Variants in ALPK3 observed in about 807,000 individuals in gnomAD.
ALPK3 encodes the protein alpha kinase 3, also known as alpha-protein kinase 3.
ALPK3 carries 102 observed loss-of-function variants against 140.0 expected under a neutral mutation model. The observed-to-expected ratio is 0.73, with a 90% confidence interval of 0.62 to 0.86. The LOEUF (loss-of-function observed/expected upper bound fraction) is 0.86. ALPK3 is among the 40% of genes least tolerant of loss of function. ALPK3 has a pLI of 0.00. For synonymous variants in ALPK3, 938 were observed against 898.5 expected, an observed-to-expected ratio of 1.04 and a Z score of -0.79; for missense variants, 2,254 against 2,208.2, an observed-to-expected ratio of 1.02 and a Z score of -0.42.
At position 84,867,376 on chromosome 15, in the gene ALPK3, C is replaced by T; in HGVS notation, c.4772+11C>T. 2.5e-6 allele frequency: 4 copies of T among 1,613,828 alleles called. No homozygotes were observed. Among genetic ancestry groups the T allele is most frequent in the Non-Finnish European group, 3.4e-6 (4 of 1,179,826 alleles). ...TACCAAACTCCGAGGGTGAGTGGTT[C>T]TTGGGGACAGAATGCCCTCTGGGCG... On this transcript the variant is annotated intron_variant, in intron 13 of 13. Transcript: ENST00000258888.
At position 84,857,568 on chromosome 15, in the gene ALPK3, G is replaced by C. The variant is rs1596155568; in HGVS notation, c.2830G>C (p.Gly944Arg). 3.2e-6 allele frequency: 5 copies of C among 1,576,524 alleles called. No homozygotes were observed. In the East Asian group the frequency reaches 6.7e-5, roughly 21 times the overall value. ...CTGCGCCCAGGTACCAGATGTGGAG[G>C]GGCGGACCCCAGGTCCCCGGAGCTG... ...GACAQVPDVE[G>R]RTPGPRSCDP... Residue 944 changes from glycine (G) to arginine (R), a missense_variant, in exon 6 of 14, where the codon GGG becomes CGG. This residue lies in a region of ALPK3 where 2,088 missense variants were observed against 2,022.9 expected (regional missense o/e 1.03). Coordinates refer to ENST00000258888, the MANE Select transcript of ALPK3 (RefSeq NM_020778.5).
rs150359288 is a variant in ALPK3 at position 84,835,847 on chromosome 15, T to G, written c.305-3133T>G. Among the ~76,000 whole-genome samples the G allele has an allele frequency of 3.6e-3, 550 of 152,312 alleles. 15 individuals carry two copies. The highest frequency in any genetic ancestry group is 0.034 in the Admixed American group (513 of 15,306). ...CTAAGCACTTAGTGCATTGCTTCATTTATTCATCTATAAATATTTGATGAG... is the reference window on the plus strand; with the variant it reads ...CTAAGCACTTAGTGCATTGCTTCATGTATTCATCTATAAATATTTGATGAG... On this transcript the variant is annotated intron_variant, in intron 3 of 13. Transcript: ENST00000258888.
chr15:84,840,009 G>T lies in ALPK3; in HGVS notation c.730G>T (p.Gly244Cys). Residue 244 changes from glycine to cysteine, a missense_variant, in exon 5 of 14, where the codon GGT (glycine) becomes TGT (cysteine). Gly to Cys is a radical substitution (Grantham distance 159). Transcript: ENST00000258888. ...CTCGGTCCCTACCAGGGAGCCTGAG[G>T]GTGGGACCCTGGCGGCTTGGCAGGA... ...GPSVPTREPE[G>C]GTLAAWQEGE... is the part of the protein sequence containing the mutation. The T allele has an allele frequency of 6.2e-7, 1 of 1,613,810 alleles. No individual in the cohort carries two copies. The highest frequency in any genetic ancestry group is 8.5e-7 in the Non-Finnish European group (1 of 1,179,860).
rs55944419 is a variant in ALPK3, at chr15:84,847,208, GGAGAGA to G, written c.1653+6312_1653+6317del. ...GAGAGAGGAAGGGAGGGAGAAACGG[GGAGAGA>G]GAGAGAGAGAGAGAGAGAGAGAGAG... On this transcript the variant is annotated intron_variant, in intron 5 of 13. Transcript: ENST00000258888. 6.8e-3 allele frequency among the ~76,000 whole-genome samples: 798 copies of G among 116,590 alleles called. 17 individuals carry two copies. The highest frequency in any genetic ancestry group is 0.021 in the East Asian group (83 of 4,026). The allele number at this position is 116,590 out of a possible 152,430, so 76.5% of individuals were successfully genotyped here. A position where few individuals can be genotyped will look rare whatever the true frequency, so the allele number is the denominator to read the frequency against.
rs938385051 is a variant in ALPK3 at position 84,857,474 on chromosome 15, G to A, written c.2736G>A (p.Leu912=). 1.9e-6 allele frequency: 3 copies of A among 1,609,062 alleles called. No homozygotes were observed. The African/African-American group carries it at 4.0e-5, about 21-fold the overall frequency. ...DQVLMSSAPT[L]HLGLGTPTQS... ...TCCTGATGAGTTCTGCCCCAACACT[G>A]CACCTGGGGCTGGGGACCCCCACTC... Residue 912 remains leucine (L), a synonymous_variant, in exon 6 of 14, where the codon CTG becomes CTA. Coordinates refer to ENST00000258888, the MANE Select transcript of ALPK3 (RefSeq NM_020778.5).
chr15:84,854,141 G>A (rs1410692363), intron 5 of ALPK3, among the ~76,000 whole-genome samples: 1 of 150,748 alleles, frequency 6.6e-6, no homozygotes, highest in Non-Finnish European at 1.5e-5. Context: ...CTTTGATTTT[G>A]TGTGTGGTTC....
chr15:84,849,358 T>C (rs984597017), intron 5 of ALPK3, among the ~76,000 whole-genome samples: 1 of 152,090 alleles, frequency 6.6e-6, no homozygotes. Context: ...TCAATAGAAC[T>C]AGTAGACAGA....
At chr15:84,837,698 T>G (rs1195260574) in intron 3 of ALPK3, among the ~76,000 whole-genome samples, 2 of 152,212 alleles carry the variant, frequency 1.3e-5, no homozygotes, top group African/African-American at 4.8e-5. Flanking sequence ...CTTATGGAAT[T>G]GACAAGAGGA....
At chr15:84,848,034 C>T (rs938971680) in intron 5 of ALPK3, among the ~76,000 whole-genome samples, 32 of 150,590 alleles carry the variant, frequency 2.1e-4, no homozygotes, top group African/African-American at 7.4e-4. Context: ...TGTACTCCAG[C>T]CTGGGTGACA....
At position 84,868,580 on chromosome 15, in the gene ALPK3, G is replaced by A. The variant is rs1295625025; in HGVS notation, c.*124G>A. The A allele has an allele frequency of 3.1e-6, 3 of 956,482 alleles. No individual in the cohort carries two copies. The highest frequency in any genetic ancestry group is 1.7e-5 in the African/African-American group (1 of 60,236). The allele number at this position is 956,482 out of a possible 1,614,324, so 59.2% of individuals were successfully genotyped here. A position where few individuals can be genotyped will look rare whatever the true frequency, so the allele number is the denominator to read the frequency against. On this transcript the variant is annotated 3_prime_UTR_variant, in exon 14 of 14. Coordinates refer to ENST00000258888, the MANE Select transcript of ALPK3 (RefSeq NM_020778.5). ...GTGCACGAAGGAGACACCACTTGGG[G>A]ACCTCTCTGAGCAGGCTCTCGTGAA...
intron 3 of ALPK3, among the ~76,000 whole-genome samples, chr15:84,829,964 A>C (rs1963528582): frequency 6.6e-6 from 1 of 152,210 alleles, no homozygotes. Flanking sequence ...ATCCTGCTTC[A>C]GTTATATCAT....
chr15:84,867,266 G>A (rs758041710), intron 12 of ALPK3, 51 bp from the exon 13 acceptor site: 2 of 1,588,272 alleles, frequency 1.3e-6, no homozygotes, highest in Non-Finnish European at 1.7e-6. Flanking sequence ...AGATGTGGGG[G>A]CTTAGAGCCA....
chr15:84,846,504 C>A (rs907187921), intron 5 of ALPK3, among the ~76,000 whole-genome samples: 1 of 152,038 alleles, frequency 6.6e-6, no homozygotes, highest in East Asian at 1.9e-4. Context: ...GGGAACATGG[C>A]AAAACCCTGT....
intron 9 of ALPK3, among the ~76,000 whole-genome samples, chr15:84,860,832 C>T (rs147426562): frequency 6.6e-5 from 10 of 152,330 alleles, no homozygotes; most frequent in African/African-American, 2.4e-4. Flanking sequence ...AAGCAATTCT[C>T]GTGCCTCAGC....
Position 84,839,975 on chromosome 15 carries a change from G to A in ALPK3, c.696G>A (p.Ala232=), listed in dbSNP as rs1404417039. 6.2e-7 allele frequency: 1 copy of A among 1,612,694 alleles called. No homozygotes were observed. Among genetic ancestry groups the A allele is most frequent in the Non-Finnish European group, 8.5e-7 (1 of 1,179,408 alleles). Residue 232 remains alanine, a synonymous_variant, in exon 5 of 14, where the codon GCG becomes GCA. Coordinates refer to ENST00000258888, the MANE Select transcript of ALPK3 (RefSeq NM_020778.5). ...AGCGGCGATTGAGCGGGGCTCAAGC[G>A]CCGGGCCCCTCGGTCCCTACCAGGG... The part of the protein sequence containing the change: ...QRKRRLSGAQ[A]PGPSVPTREP...
At position 84,868,029 on chromosome 15, in the gene ALPK3, T is replaced by C. The variant is rs1964020562; in HGVS notation, c.4773-82T>C. 4 of 1,402,884 alleles carry C rather than the reference T, an allele frequency of 2.9e-6. No individual in the cohort carries two copies. In the East Asian group the frequency reaches 9.2e-5, roughly 32 times the overall value. The allele number at this position is 1,402,884 out of a possible 1,614,324, so 86.9% of individuals were successfully genotyped here. On this transcript the variant is annotated intron_variant, in intron 13 of 13. Transcript: ENST00000258888. The stretch of plus-strand genomic sequence containing the variant: ...ATGTACCCTGAGCACGACATCCTGA[T>C]GATGGCCACCCCAGAGTCCGCCCCC...
intron 10 of ALPK3, among the ~76,000 whole-genome samples, chr15:84,863,163 A>G (rs1031214468): frequency 1.3e-5 from 2 of 151,666 alleles, no homozygotes; most frequent in South Asian, 2.1e-4. Context: ...TGCAGCAGAA[A>G]CCTTCCCCCT....
intron 1 of ALPK3, among the ~76,000 whole-genome samples, chr15:84,821,632 G>T (rs150546712): frequency 1.3e-5 from 2 of 152,044 alleles, no homozygotes; most frequent in South Asian, 2.1e-4. Context: ...GCTCCCTCTC[G>T]GGGGCAGCAC....
intron 3 of ALPK3, among the ~76,000 whole-genome samples, chr15:84,837,238 A>C (rs950243384): frequency 2.0e-5 from 3 of 152,224 alleles, no homozygotes; most frequent in African/African-American, 7.2e-5. Flanking sequence ...TTTTTAAAGA[A>C]GGACACAGTA....
Sources: gnomAD v4.1 joint callset for allele counts (sites outside exome capture counted in the v4.1 genomes callset) on GRCh38, gnomAD v4.1.1 for gene constraint, gnomAD v4.1.1 regional missense constraint, MANE v1.5 for transcripts, NCBI Gene and HGNC (gene_info 2026-07-23, HGNC 2026-07-21) for gene names.